MYO9A: variants seen among roughly 807,000 people sequenced by gnomAD.
MYO9A encodes myosin IXA.
Under a neutral mutation model 293.3 loss-of-function variants are expected in MYO9A, and 103 were observed. That is an observed-to-expected ratio of 0.35 (90% confidence interval 0.30 to 0.41). The LOEUF (loss-of-function observed/expected upper bound fraction) is 0.41. Among genes scored for constraint, MYO9A ranks in the 10% least tolerant of loss-of-function variants. MYO9A has a pLI of 1.00. For synonymous variants in MYO9A, 1,001 were observed against 1,035.7 expected (o/e 0.97, Z 0.64); for missense variants, 2,685 against 3,033.0 (o/e 0.89, Z 2.69).
rs187389056 is a variant in MYO9A, at chr15:71,963,374, C to G, written c.1987-3278G>C. 2.0e-5 allele frequency among the ~76,000 whole-genome samples: 3 copies of G among 150,784 alleles called. 1 individual carries two copies. Among genetic ancestry groups the G allele is most frequent in the Admixed American group, 1.3e-4 (2 of 15,172 alleles). On this transcript the variant is annotated intron_variant, in intron 13 of 41. Transcript: ENST00000356056. ...TGCTGGGATTACAGGAGTGAGCCAC[C>G]ACACCTGGCTGTGCACTCATTTCTT...
chr15:71,932,620 C>A (rs987542500), intron 18 of MYO9A, among the ~76,000 whole-genome samples: 8 of 151,472 alleles, frequency 5.3e-5, no homozygotes, highest in African/African-American at 1.7e-4. Context: ...CAGACAAACC[C>A]CTTCCAGAAA....
chr15:71,885,632 C>A lies in MYO9A; in HGVS notation c.5256-1896G>T, dbSNP rs1345308376. Among the ~76,000 whole-genome samples, 4 of 152,102 alleles carry A rather than the reference C, an allele frequency of 2.6e-5. No homozygotes were observed. The East Asian group carries it at 7.7e-4, about 29-fold the overall frequency. On this transcript the variant is annotated intron_variant, in intron 27 of 41. Coordinates refer to ENST00000356056, the MANE Select transcript of MYO9A (RefSeq NM_006901.4). ...TCATTGTAACAGATTCCTTTTGTCT[C>A]TTTTGTTTCATAACAACATGTCTTT...
intron 19 of MYO9A, among the ~76,000 whole-genome samples, chr15:71,905,716 T>G (rs1213640084): frequency 7.7e-6 from 1 of 130,648 alleles, no homozygotes; most frequent in Non-Finnish European, 1.5e-5. Context: ...TAAGCCAAGA[T>G]GGTGCCACTG....
At position 71,893,249 on chromosome 15, in the gene MYO9A, A is replaced by T. The variant is rs567487104; in HGVS notation, c.5142+430T>A. 7.2e-5 allele frequency: 80 copies of T among 1,114,102 alleles called. 1 individual carries two copies. The highest frequency in any genetic ancestry group is 6.9e-5 in the Non-Finnish European group (60 of 868,272). 69.0% of individuals were successfully genotyped at this position (1,114,102 alleles called of 1,614,324 possible). A position where few individuals can be genotyped will look rare whatever the true frequency, so the allele number is the denominator to read the frequency against. On this transcript the variant is annotated intron_variant, in intron 26 of 41. Coordinates refer to ENST00000356056, the MANE Select transcript of MYO9A (RefSeq NM_006901.4). ...TTTTGTTCTTTTTGAGATGATGCCA[A>T]TGAAAGACATCAGAGGGCTCATGAA...
At chr15:71,996,932 A>G (rs1333995307) in intron 9 of MYO9A, among the ~76,000 whole-genome samples, 1 of 152,060 alleles carries the variant, frequency 6.6e-6, no homozygotes, top group East Asian at 1.9e-4. Context: ...TATGAAACTG[A>G]TGTCACATGA....
At chr15:72,111,070 A>G (rs2080762688) in intron 1 of MYO9A, among the ~76,000 whole-genome samples, 1 of 151,748 alleles carries the variant, frequency 6.6e-6, no homozygotes, top group East Asian at 1.9e-4. Flanking sequence ...GAGGCAGGAG[A>G]ATGGCGTGAA....
At chr15:71,974,533 T>A (rs1477318041) in intron 12 of MYO9A, among the ~76,000 whole-genome samples, 5 of 152,138 alleles carry the variant, frequency 3.3e-5, no homozygotes, top group Non-Finnish European at 7.3e-5. Flanking sequence ...AGAAAAAACT[T>A]TTTTTCTCTC....
rs2078374383 is a variant in MYO9A, at chr15:72,046,031, T to C, written c.533A>G (p.Tyr178Cys). The change falls in exon 2 of 42, where the codon TAT becomes TGT. Residue 178 changes from tyrosine to cysteine, a missense_variant. Physicochemically the swap from Tyr to Cys is radical, Grantham distance 194. Around this residue, in one of 10 missense-constraint regions of MYO9A, gnomAD observed 289 missense variants for 456.8 expected, o/e 0.63. Transcript: ENST00000356056. Reference protein sequence around the residue: ...NRFKHEKIYTYVGSILIVINP... With the variant: ...NRFKHEKIYTCVGSILIVINP... ...AATAACTATTAGAATACTGCCAACA[T>C]AGGTATAAATTTTTTCATGCTTAAA... 1 of 1,613,440 alleles carries C rather than the reference T, an allele frequency of 6.2e-7. No individual in the cohort carries two copies. Among genetic ancestry groups the C allele is most frequent in the Non-Finnish European group, 8.5e-7 (1 of 1,179,762 alleles).
At chr15:71,889,134 C>T (rs2057104157) in intron 26 of MYO9A, among the ~76,000 whole-genome samples, 1 of 152,098 alleles carries the variant, frequency 6.6e-6, no homozygotes, top group Non-Finnish European at 1.5e-5. Flanking sequence ...AGACAGAGTA[C>T]TGGAGAGGAG....
At chr15:72,103,321 C>CAGCAGCAGA (rs754413949) in intron 1 of MYO9A, among the ~76,000 whole-genome samples, 179 of 138,556 alleles carry the variant, frequency 1.3e-3, no homozygotes, top group African/African-American at 4.3e-3. Context: ...CAGCAGCAAG[C>CAGCAGCAGA]AGCAGCAGCA....
At chr15:71,940,651 G>A (rs1318019273) in intron 15 of MYO9A, among the ~76,000 whole-genome samples, 3 of 152,062 alleles carry the variant, frequency 2.0e-5, no homozygotes, top group Non-Finnish European at 4.4e-5. Flanking sequence ...TGCCTGAATT[G>A]GAAAATATAA....
intron 1 of MYO9A, among the ~76,000 whole-genome samples, chr15:72,109,626 C>T (rs778740379): frequency 6.6e-6 from 1 of 151,962 alleles, no homozygotes. Context: ...CAGTGGTTCA[C>T]GCCTGTAATC....
intron 25 of MYO9A, among the ~76,000 whole-genome samples, chr15:71,894,723 G>A (rs543196224): frequency 1.3e-5 from 2 of 152,310 alleles, no homozygotes; most frequent in East Asian, 3.9e-4. Flanking sequence ...ATTTAATTTT[G>A]ATTGAAAAAC....
At chr15:71,828,273 A>C (rs554480407) in intron 40 of MYO9A, among the ~76,000 whole-genome samples, 1 of 152,298 alleles carries the variant, frequency 6.6e-6, no homozygotes, top group Non-Finnish European at 1.5e-5. Flanking sequence ...AGGGTGAAGA[A>C]AGATGTAGTG....
intron 32 of MYO9A, among the ~76,000 whole-genome samples, chr15:71,873,391 T>C (rs1202526342): frequency 6.6e-6 from 1 of 152,220 alleles, no homozygotes; most frequent in African/African-American, 2.4e-5. Context: ...AAGAACCTCG[T>C]GCATGTCAGC....
chr15:71,901,209 T>C lies in MYO9A; in HGVS notation c.3132A>G (p.Gln1044=). The C allele has an allele frequency of 6.2e-7, 1 of 1,612,642 alleles. No homozygotes were observed. The highest frequency in any genetic ancestry group is 8.5e-7 in the Non-Finnish European group (1 of 1,179,582). ...LCRQHFLHLR[Q]ASVIIQRFWR... ...TTCTCACCTGGATAATAACAGATGCTTGTCTCAGATGGAGGAAATGCTGCC... is the reference window on the plus strand; with the variant it reads ...TTCTCACCTGGATAATAACAGATGCCTGTCTCAGATGGAGGAAATGCTGCC... The change falls in exon 23 of 42, where the codon CAA becomes CAG. Residue 1044 remains glutamine (Q), a synonymous_variant. Coordinates refer to ENST00000356056, the MANE Select transcript of MYO9A (RefSeq NM_006901.4).
chr15:72,102,970 G>GT (rs1300423656), intron 1 of MYO9A, among the ~76,000 whole-genome samples: 19 of 147,756 alleles, frequency 1.3e-4, no homozygotes, highest in Admixed American at 5.3e-4. Context: ...ATTATATATG[G>GT]TTTTTTTTGT....
At chr15:71,831,356 CA>C (rs1453471454) in intron 39 of MYO9A, among the ~76,000 whole-genome samples, 1 of 152,180 alleles carries the variant, frequency 6.6e-6, no homozygotes, top group Admixed American at 6.5e-5. Context: ...ATTGTTGAGA[CA>C]GAGATTGGCC....
intron 1 of MYO9A, among the ~76,000 whole-genome samples, chr15:72,062,319 C>T (rs35144689): frequency 0.014 from 2,064 of 152,296 alleles, 21 homozygotes; most frequent in East Asian, 0.025. Context: ...CCACAGGCAT[C>T]AAGACCATCC....
Sources: gnomAD v4.1 joint callset for allele counts (sites outside exome capture counted in the v4.1 genomes callset) on GRCh38, gnomAD v4.1.1 for gene constraint, gnomAD v4.1.1 regional missense constraint, MANE v1.5 for transcripts, NCBI Gene and HGNC (gene_info 2026-07-23, HGNC 2026-07-21) for gene names.